The following MRPL1 variants were observed in gnomAD, a reference collection of about 807,000 sequenced individuals.
MRPL1 encodes large ribosomal subunit protein uL1m.
MRPL1 carries 28 observed loss-of-function variants against 38.0 expected under a neutral mutation model. The observed-to-expected ratio is 0.74, with a 90% CI of 0.55 to 1.01. MRPL1 has a LOEUF of 1.01. Ranked by LOEUF, MRPL1 falls within the 50% of genes least tolerant of loss-of-function variation. MRPL1 has a pLI of 0.00. For missense variants in MRPL1, 358 were observed against 389.8 expected (o/e 0.92, Z 0.69); for synonymous variants, 123 against 126.7 (o/e 0.97, Z 0.20).
chr4:77,887,406 G>A (rs1015244664), intron 5 of MRPL1, 115 bp downstream of exon 5: 1 of 893,664 alleles, frequency 1.1e-6, no homozygotes, highest in Non-Finnish European at 1.7e-6. Context: ...ATAGTTAATA[G>A]GTCTTTATAA....
intron 7 of MRPL1, among the ~76,000 whole-genome samples, chr4:77,911,983 A>G (rs941055275): frequency 2.0e-5 from 3 of 152,206 alleles, no homozygotes; most frequent in African/African-American, 7.2e-5. Context: ...AAAGTAAAAA[A>G]CAAAAGCCAT....
At chr4:77,869,748 C>T (rs1735232584) in intron 1 of MRPL1, among the ~76,000 whole-genome samples, 1 of 152,122 alleles carries the variant, frequency 6.6e-6, no homozygotes. Context: ...CACCAACACA[C>T]TCAGCTAATT....
At chr4:77,933,390 A>T (rs1267325513) in intron 7 of MRPL1, among the ~76,000 whole-genome samples, 1 of 152,192 alleles carries the variant, frequency 6.6e-6, no homozygotes, top group Non-Finnish European at 1.5e-5. Flanking sequence ...AGAACTGGGT[A>T]AATAAAGCCC....
intron 1 of MRPL1, among the ~76,000 whole-genome samples, chr4:77,871,336 ACT>A (rs1015938495): frequency 6.7e-6 from 1 of 148,842 alleles, no homozygotes; most frequent in Non-Finnish European, 1.5e-5. Flanking sequence ...ATGGAGTATC[ACT>A]CTGTCGCCCA....
At chr4:77,905,213 G>A (rs1736126537) in intron 6 of MRPL1, among the ~76,000 whole-genome samples, 1 of 152,014 alleles carries the variant, frequency 6.6e-6, no homozygotes, top group Non-Finnish European at 1.5e-5. Context: ...AAGAATATAC[G>A]TGGCTGGGCG....
chr4:77,895,548 G>A (rs938189366), intron 6 of MRPL1, among the ~76,000 whole-genome samples: 4 of 152,054 alleles, frequency 2.6e-5, no homozygotes, highest in Non-Finnish European at 5.9e-5. Flanking sequence ...ATAAAATTTT[G>A]TAGTGTAAAC....
intron 1 of MRPL1, among the ~76,000 whole-genome samples, chr4:77,868,790 AAG>A (rs1211719067): frequency 2.0e-5 from 3 of 152,208 alleles, no homozygotes; most frequent in Non-Finnish European, 4.4e-5. Flanking sequence ...AAGTAACTGA[AAG>A]AAGATGAGTG....
chr4:77,871,802 T>C lies in MRPL1; in HGVS notation c.90T>C (p.Cys30=), dbSNP rs371195784. The change falls in exon 2 of 9, where the codon TGT becomes TGC. Residue 30 remains cysteine, a synonymous_variant. Transcript: ENST00000315567. The stretch of plus-strand genomic sequence containing the variant: ...AGATGGTTTATCAGACATCACTTTG[T>C]TCTTGTTCTGTAAACATCCGAGTGC... ...LSKMVYQTSL[C]SCSVNIRVPN... is the part of the protein sequence containing the mutation. The C allele has an allele frequency of 6.2e-7, 1 of 1,604,246 alleles. No individual in the cohort carries two copies. Among genetic ancestry groups the C allele is most frequent in the African/African-American group, 1.3e-5 (1 of 74,324 alleles).
At position 77,952,446 on chromosome 4, in the gene MRPL1, T is replaced by C. The variant is rs200570063; in HGVS notation, c.860-43T>C. On this transcript the variant is annotated intron_variant, in intron 8 of 8. Transcript: ENST00000315567. ...TACTTTATTTGCTCATGAGGTGGTA[T>C]TGCGATATAAAAATCAAAGTTGATT... 1.4e-4 allele frequency: 189 copies of C among 1,346,852 alleles called. 1 individual carries two copies. The highest frequency in any genetic ancestry group is 2.2e-4 in the Admixed American group (13 of 59,004). The allele number at this position is 1,346,852 out of a possible 1,614,324, so 83.4% of individuals were successfully genotyped here.
intron 7 of MRPL1, among the ~76,000 whole-genome samples, chr4:77,947,100 A>G (rs1737289017): frequency 6.6e-6 from 1 of 152,184 alleles, no homozygotes; most frequent in African/African-American, 2.4e-5. Flanking sequence ...GGAATTACAC[A>G]AAAAAGGAAA....
chr4:77,926,386 G>A (rs2110257016), intron 7 of MRPL1, among the ~76,000 whole-genome samples: 1 of 152,230 alleles, frequency 6.6e-6, no homozygotes, highest in Middle Eastern at 3.4e-3. Context: ...TGGCAGCCAG[G>A]CCTCACCCTC....
intron 2 of MRPL1, among the ~76,000 whole-genome samples, chr4:77,879,575 A>G (rs1735489609): frequency 6.6e-6 from 1 of 152,202 alleles, no homozygotes; most frequent in Non-Finnish European, 1.5e-5. Flanking sequence ...ATGATTGAAA[A>G]TTTAGTGGCG....
chr4:77,885,430 A>C (rs1735653843), intron 4 of MRPL1, 91 bp downstream of exon 4: 2 of 929,078 alleles, frequency 2.2e-6, no homozygotes, highest in Admixed American at 2.0e-5. Flanking sequence ...GCAGTGGGGC[A>C]ACCTCGGCTC....
intron 7 of MRPL1, among the ~76,000 whole-genome samples, chr4:77,927,253 C>T (rs1186832500): frequency 2.0e-5 from 3 of 152,000 alleles, no homozygotes; most frequent in African/African-American, 7.2e-5. Context: ...GTAGATGTTG[C>T]CTGAATTAAT....
chr4:77,922,275 G>A (rs1022867801), intron 7 of MRPL1, among the ~76,000 whole-genome samples: 4 of 152,166 alleles, frequency 2.6e-5, no homozygotes, highest in Non-Finnish European at 4.4e-5. Flanking sequence ...GTGACCGAAG[G>A]AAGGCGTTAC....
intron 6 of MRPL1, among the ~76,000 whole-genome samples, chr4:77,899,067 C>A (rs1735980147): frequency 6.9e-6 from 1 of 145,780 alleles, no homozygotes; most frequent in African/African-American, 2.6e-5. Context: ...GATCTTGTCT[C>A]ACTGCAACCT....
chr4:77,870,636 A>G (rs1041528808), intron 1 of MRPL1, among the ~76,000 whole-genome samples: 1 of 152,206 alleles, frequency 6.6e-6, no homozygotes, highest in Admixed American at 6.6e-5. Context: ...GGAGGGAAAT[A>G]TATTGGTACC....
At chr4:77,920,027 A>G (rs963756819) in intron 7 of MRPL1, among the ~76,000 whole-genome samples, 1 of 152,196 alleles carries the variant, frequency 6.6e-6, no homozygotes, top group Non-Finnish European at 1.5e-5. Context: ...AAAGTTGGAA[A>G]TAAAAACAGA....
chr4:77,911,555 C>CCAGCTAGAAAGAGCTGTACCCCCTTGCT (rs1442422088), intron 7 of MRPL1, among the ~76,000 whole-genome samples: 34 of 152,042 alleles, frequency 2.2e-4, no homozygotes, highest in African/African-American at 8.0e-4. Flanking sequence ...AACCCTTGTT[C>CCAGCTAGAAAGAGCTGTACCCCCTTGCT]CAGCTAGAAA....
Sources: gnomAD v4.1 joint callset for allele counts (sites outside exome capture counted in the v4.1 genomes callset) on GRCh38, gnomAD v4.1.1 for gene constraint, MANE v1.5 for transcripts, NCBI Gene and HGNC (gene_info 2026-07-23, HGNC 2026-07-21) for gene names.